Variants in CHD7 observed in about 807,000 individuals in gnomAD.
The protein encoded by CHD7 is chromodomain helicase DNA binding protein 7.
In CHD7, 24 loss-of-function variants were observed where a neutral mutation model predicts 307.3. That is an observed-to-expected ratio of 0.08 (90% confidence interval 0.06 to 0.11). CHD7 has a LOEUF of 0.11. Ranked by LOEUF, CHD7 falls within the 10% of genes least tolerant of loss-of-function variation. The pLI is 1.00. For synonymous variants in CHD7, 1,363 were observed against 1,349.9 expected, an observed-to-expected ratio of 1.01 and a Z score of -0.21; for missense variants, 3,106 against 3,727.1, an observed-to-expected ratio of 0.83 and a Z score of 4.34.
At chr8:60,740,821 G>T (rs193170643) in intron 1 of CHD7, among the ~76,000 whole-genome samples, 6 of 152,148 alleles carry the variant, frequency 3.9e-5, no homozygotes, top group African/African-American at 1.4e-4. Context: ...TGATTACACC[G>T]CTCAGGGGAA....
chr8:60,791,303 G>A (rs949540814), intron 3 of CHD7, among the ~76,000 whole-genome samples: 4 of 152,172 alleles, frequency 2.6e-5, no homozygotes, highest in African/African-American at 9.7e-5. Context: ...CCCTGCACAT[G>A]GCCTAGTTAT....
rs143544461 is a variant in CHD7, at chr8:60,747,393, G to A, written c.1665+4296G>A. Among the ~76,000 whole-genome samples the A allele has an allele frequency of 8.9e-4, 135 of 152,142 alleles. 2 individuals carry two copies. Among genetic ancestry groups the A allele is most frequent in the African/African-American group, 3.1e-3 (130 of 41,516 alleles). Reference sequence around the variant, plus strand: ...CTGCCTGGCTAAAATATTGATGAAAGTTTAAAATATTGATTTGTTAATTAT... The same window carrying A: ...CTGCCTGGCTAAAATATTGATGAAAATTTAAAATATTGATTTGTTAATTAT... On this transcript the variant is annotated intron_variant, in intron 2 of 37. Coordinates refer to ENST00000423902, the MANE Select transcript of CHD7 (RefSeq NM_017780.4).
At chr8:60,711,962 C>T (rs1187636217) in intron 1 of CHD7, among the ~76,000 whole-genome samples, 1 of 152,234 alleles carries the variant, frequency 6.6e-6, no homozygotes, top group East Asian at 1.9e-4. Flanking sequence ...CCTTGACTAT[C>T]CTTTTCAACC....
chr8:60,710,946 A>G (rs1371439900), intron 1 of CHD7, among the ~76,000 whole-genome samples: 10 of 152,258 alleles, frequency 6.6e-5, no homozygotes, highest in Admixed American at 6.5e-4. Flanking sequence ...TAGGCGATGA[A>G]AGAGGGTAAT....
intron 2 of CHD7, among the ~76,000 whole-genome samples, chr8:60,746,432 C>G (rs1392137445): frequency 1.3e-5 from 2 of 152,056 alleles, no homozygotes; most frequent in Non-Finnish European, 2.9e-5. Context: ...GACATTCTAC[C>G]CTAGGAAATA....
chr8:60,834,003 T>A (rs1804639054), intron 15 of CHD7, among the ~76,000 whole-genome samples: 1 of 152,216 alleles, frequency 6.6e-6, no homozygotes, highest in African/African-American at 2.4e-5. Flanking sequence ...GAACCTGAAT[T>A]CATAACAGAG....
At chr8:60,835,995 G>A in intron 15 of CHD7, 78 bp from the exon 16 acceptor site, 1 of 1,048,022 alleles carries the variant, frequency 9.5e-7, no homozygotes, top group East Asian at 2.6e-5. Flanking sequence ...GTTTGCAATG[G>A]GTTTTGAAAG....
At chr8:60,686,711 C>T (rs1363635378) in intron 1 of CHD7, among the ~76,000 whole-genome samples, 1 of 151,456 alleles carries the variant, frequency 6.6e-6, no homozygotes, top group Non-Finnish European at 1.5e-5. Context: ...TGCAATTAGA[C>T]ACATGTGTTA....
At chr8:60,764,110 C>G (rs1586288150) in intron 2 of CHD7, among the ~76,000 whole-genome samples, 1 of 152,164 alleles carries the variant, frequency 6.6e-6, no homozygotes, top group Admixed American at 6.5e-5. Context: ...GCCTAAGCCT[C>G]CCGAGTAGCT....
intron 1 of CHD7, among the ~76,000 whole-genome samples, chr8:60,728,920 A>G (rs1586226823): frequency 1.3e-5 from 2 of 152,162 alleles, no homozygotes; most frequent in African/African-American, 4.8e-5. Context: ...TCACCCAGGA[A>G]TTAAGCCCAG....
intron 3 of CHD7, among the ~76,000 whole-genome samples, chr8:60,784,886 T>C (rs990059384): frequency 6.6e-6 from 1 of 152,230 alleles, no homozygotes; most frequent in African/African-American, 2.4e-5. Flanking sequence ...CTAATCAGGC[T>C]GTATCTTTTT....
intron 7 of CHD7, among the ~76,000 whole-genome samples, chr8:60,814,504 G>A (rs1803638485): frequency 6.6e-6 from 1 of 152,174 alleles, no homozygotes; most frequent in Admixed American, 6.5e-5. Flanking sequence ...TGAATGCAGT[G>A]GCGTGATCTC....
chr8:60,690,091 G>A (rs967338583), intron 1 of CHD7, among the ~76,000 whole-genome samples: 2 of 151,930 alleles, frequency 1.3e-5, no homozygotes, highest in Non-Finnish European at 2.9e-5. Context: ...ACTGTCTTCC[G>A]CAGTCATACA....
chr8:60,728,731 G>T (rs1808294705), intron 1 of CHD7, among the ~76,000 whole-genome samples: 1 of 152,168 alleles, frequency 6.6e-6, no homozygotes, highest in Non-Finnish European at 1.5e-5. Flanking sequence ...ATATTTACAG[G>T]TTGACCTTTA....
At chr8:60,825,565 G>A (rs1232165180) in intron 13 of CHD7, 1 of 152,226 alleles carries the variant, frequency 6.6e-6, no homozygotes, top group Non-Finnish European at 1.5e-5. Flanking sequence ...GCATTAAAAT[G>A]AAGTAAACTT....
chr8:60,787,193 C>A (rs1010332849), intron 3 of CHD7, among the ~76,000 whole-genome samples: 22 of 151,916 alleles, frequency 1.4e-4, no homozygotes, highest in African/African-American at 5.3e-4. Flanking sequence ...GTTGTTTTTA[C>A]CATTTATTTA....
intron 8 of CHD7, among the ~76,000 whole-genome samples, chr8:60,817,219 T>C (rs1390476526): frequency 6.6e-6 from 1 of 152,202 alleles, no homozygotes; most frequent in Non-Finnish European, 1.5e-5. Flanking sequence ...AGAAAAACCC[T>C]AACATTGAAA....
At chr8:60,772,916 C>T (rs1040612448) in intron 2 of CHD7, among the ~76,000 whole-genome samples, 4 of 152,218 alleles carry the variant, frequency 2.6e-5, no homozygotes, top group African/African-American at 9.6e-5. Context: ...TCAGATTCCT[C>T]TAATGGGCTC....
At chr8:60,854,337 G>A in intron 31 of CHD7, 26 bp from the exon 32 acceptor site, 2 of 1,608,014 alleles carry the variant, frequency 1.2e-6, no homozygotes, top group East Asian at 2.2e-5. Flanking sequence ...GTGGTTGTGA[G>A]TAATGCACAT....
Sources: gnomAD v4.1 joint callset for allele counts (sites outside exome capture counted in the v4.1 genomes callset) on GRCh38, gnomAD v4.1.1 for gene constraint, MANE v1.5 for transcripts, NCBI Gene and HGNC (gene_info 2026-07-23, HGNC 2026-07-21) for gene names.